RYR2: variants seen among roughly 807,000 people sequenced by gnomAD.
RYR2 encodes the protein ryanodine receptor 2.
RYR2 carries 227 observed loss-of-function variants against 601.1 expected under a neutral mutation model. That is an observed-to-expected ratio of 0.38 (90% CI 0.34 to 0.42). The LOEUF (loss-of-function observed/expected upper bound fraction) is 0.42, where lower values mean the gene tolerates loss of function less well. Ranked by LOEUF, RYR2 falls within the 10% of genes least tolerant of loss-of-function variation. RYR2 has a pLI of 1.00. For synonymous variants in RYR2, 2,223 were observed against 2,175.1 expected (o/e 1.02, Z -0.61); for missense variants, 4,646 against 6,156.5 (o/e 0.75, Z 8.21).
Position 237,614,930 on chromosome 1 carries a change from G to A in RYR2, c.5715+87G>A, listed in dbSNP as rs1210075044. The A allele has an allele frequency of 7.5e-7, 1 of 1,326,402 alleles. No individual in the cohort carries two copies. The highest frequency in any genetic ancestry group is 1.0e-6 in the Non-Finnish European group (1 of 982,506). 82.2% of individuals were successfully genotyped at this position (1,326,402 alleles called of 1,614,324 possible). A position where few individuals can be genotyped will look rare whatever the true frequency, so the allele number is the denominator to read the frequency against. Reference sequence around the variant, plus strand: ...TGCCTTTGTTTCTTTCTCTGTGTGTGTGTTTATTTCTTTGCATTCCTGTGT... The same window carrying A: ...TGCCTTTGTTTCTTTCTCTGTGTGTATGTTTATTTCTTTGCATTCCTGTGT... On this transcript the variant is annotated intron_variant, in intron 37 of 104. Transcript: ENST00000366574. This position sits in a 1 kb window ranked among gnomAD's most constrained non-coding sequence, Gnocchi z 4.3.
chr1:237,094,792 C>T (rs1007813291), intron 1 of RYR2, among the ~76,000 whole-genome samples: 2 of 152,118 alleles, frequency 1.3e-5, no homozygotes, highest in Non-Finnish European at 2.9e-5. Context: ...GGGGTTTCAC[C>T]GTGTTAGACA....
chr1:237,714,241 A>G (rs1689073854), intron 71 of RYR2, among the ~76,000 whole-genome samples: 1 of 152,244 alleles, frequency 6.6e-6, no homozygotes, highest in African/African-American at 2.4e-5. Flanking sequence ...CTCACAGATT[A>G]TAGGCATGCA....
chr1:237,821,366 G>A (rs1009421542), intron 101 of RYR2, among the ~76,000 whole-genome samples: 3 of 152,144 alleles, frequency 2.0e-5, no homozygotes, highest in Non-Finnish European at 4.4e-5. Flanking sequence ...AACCTTCACT[G>A]GTGATACCCA....
intron 1 of RYR2, among the ~76,000 whole-genome samples, chr1:237,166,150 G>C (rs568200215): frequency 6.6e-6 from 1 of 152,296 alleles, no homozygotes; most frequent in Admixed American, 6.5e-5. Flanking sequence ...GTTTCTGGGG[G>C]CTGGTTCCAT....
rs1285521756 is a variant in RYR2, at chr1:237,702,015, T to A, written c.9405T>A (p.Thr3135=). The change falls in exon 66 of 105, where the codon ACT becomes ACA. Residue 3135 remains threonine, a synonymous_variant. Coordinates refer to ENST00000366574, the MANE Select transcript of RYR2 (RefSeq NM_001035.3). ...AGGTGTCTTGTTATAGAATTCTGACTAGCTTATATGCTTTGGGAACCAGCA... is the reference window on the plus strand; with the variant it reads ...AGGTGTCTTGTTATAGAATTCTGACAAGCTTATATGCTTTGGGAACCAGCA... The part of the protein sequence containing the change: ...DVQVSCYRIL[T]SLYALGTSKS... The A allele has an allele frequency of 4.4e-6, 7 of 1,608,614 alleles. No homozygotes were observed. Among genetic ancestry groups the A allele is most frequent in the African/African-American group, 1.3e-5 (1 of 74,960 alleles).
At chr1:237,236,484 C>T (rs1175102627) in intron 1 of RYR2, among the ~76,000 whole-genome samples, 1 of 152,012 alleles carries the variant, frequency 6.6e-6, no homozygotes, top group Non-Finnish European at 1.5e-5. Context: ...TAGTAAAAGT[C>T]CTAGACATTT....
chr1:237,394,810 C>T (rs1702676056), intron 10 of RYR2, among the ~76,000 whole-genome samples: 2 of 152,112 alleles, frequency 1.3e-5, no homozygotes, highest in African/African-American at 4.8e-5. Flanking sequence ...TAAAGAAATA[C>T]CTGAAACTGG....
At chr1:237,293,674 A>T (rs529396320) in intron 2 of RYR2, among the ~76,000 whole-genome samples, 59 of 152,344 alleles carry the variant, frequency 3.9e-4, no homozygotes, top group African/African-American at 1.4e-3. Context: ...AGGATAGTAC[A>T]AAGCATACAG....
chr1:237,092,345 TTG>T (rs778190886), intron 1 of RYR2, among the ~76,000 whole-genome samples: 8 of 152,122 alleles, frequency 5.3e-5, no homozygotes, highest in Non-Finnish European at 1.0e-4. Flanking sequence ...TAAAGAGTGT[TTG>T]TTTCCTTGAA....
intron 25 of RYR2, among the ~76,000 whole-genome samples, chr1:237,542,228 G>A (rs1490106758): frequency 6.6e-6 from 1 of 151,938 alleles, no homozygotes; most frequent in Non-Finnish European, 1.5e-5. Context: ...CAAGCAGCTG[G>A]GATTGGAGGC....
chr1:237,648,093 G>GA (rs1360489399), intron 48 of RYR2, among the ~76,000 whole-genome samples: 1 of 152,176 alleles, frequency 6.6e-6, no homozygotes, highest in Non-Finnish European at 1.5e-5. Context: ...ACTTAGAAAA[G>GA]AGTGAACATC....
chr1:237,808,975 A>G lies in RYR2; in HGVS notation c.14373A>G (p.Lys4791=). ...YTVVAFNFFR[K]FYNKSEDGDT... is the part of the protein sequence containing the mutation. ...TGGTGGCATTCAATTTTTTCCGAAA[A>G]TTCTACAATAAAAGTGAAGATGGTG... The change falls in exon 100 of 105, where the codon AAA becomes AAG. Residue 4791 remains lysine, a synonymous_variant. Coordinates refer to ENST00000366574, the MANE Select transcript of RYR2 (RefSeq NM_001035.3). 6.2e-7 allele frequency: 1 copy of G among 1,613,640 alleles called. No homozygotes were observed. The highest frequency in any genetic ancestry group is 8.5e-7 in the Non-Finnish European group (1 of 1,179,580).
At chr1:237,311,686 C>T (rs1299575314) in intron 2 of RYR2, among the ~76,000 whole-genome samples, 1 of 151,916 alleles carries the variant, frequency 6.6e-6, no homozygotes, top group Non-Finnish European at 1.5e-5. Flanking sequence ...ACCATGTTGC[C>T]CAGTCTAGTC....
intron 87 of RYR2, among the ~76,000 whole-genome samples, chr1:237,774,589 G>T (rs1164497922): frequency 6.6e-6 from 1 of 152,050 alleles, no homozygotes; most frequent in African/African-American, 2.4e-5. Flanking sequence ...TTTCCAGATG[G>T]AAACGTCACA....
intron 63 of RYR2, among the ~76,000 whole-genome samples, chr1:237,691,008 TC>T (rs2148985397): frequency 6.6e-6 from 1 of 152,354 alleles, no homozygotes; most frequent in Admixed American, 6.5e-5. Flanking sequence ...ATTAATCTAT[TC>T]TTTTTCAGTC....
intron 29 of RYR2, among the ~76,000 whole-genome samples, chr1:237,580,810 T>A (rs1572960827): frequency 6.6e-6 from 1 of 152,094 alleles, no homozygotes; most frequent in African/African-American, 2.4e-5. Flanking sequence ...GACACCAGGG[T>A]TGACTGTGCT....
chr1:237,346,082 C>T (rs1300712103), intron 3 of RYR2, among the ~76,000 whole-genome samples: 2 of 151,936 alleles, frequency 1.3e-5, no homozygotes, highest in African/African-American at 4.8e-5. Context: ...AGTGCATATC[C>T]AGGCTGGGTG....
chr1:237,669,884 G>T (rs1433007100), intron 58 of RYR2, among the ~76,000 whole-genome samples: 1 of 151,722 alleles, frequency 6.6e-6, no homozygotes, highest in Non-Finnish European at 1.5e-5. Flanking sequence ...TCCCAGACGG[G>T]GTGGCGGCCG....
At chr1:237,049,605 T>A (rs1197848872) in intron 1 of RYR2, among the ~76,000 whole-genome samples, 7 of 152,156 alleles carry the variant, frequency 4.6e-5, no homozygotes, top group Non-Finnish European at 7.3e-5. Flanking sequence ...CTTTGAATGA[T>A]CCTGGGGTCC....
Sources: allele counts gnomAD v4.1 joint callset (sites outside exome capture counted in the v4.1 genomes callset), GRCh38; gene constraint gnomAD v4.1.1; non-coding constraint Gnocchi (gnomAD v3.1); transcripts MANE v1.5; gene names NCBI Gene and HGNC (gene_info 2026-07-23, HGNC 2026-07-21).